The following SEC14L4 variants were observed in gnomAD, a reference collection of about 807,000 sequenced individuals.
SEC14L4 encodes SEC14-like protein 4.
A neutral mutation model predicts 55.1 loss-of-function variants in SEC14L4; 42 were observed. That is an observed-to-expected ratio of 0.76 (90% confidence interval 0.60 to 0.99). The LOEUF (loss-of-function observed/expected upper bound fraction) is 0.99. Ranked by LOEUF, SEC14L4 falls within the 50% of genes least tolerant of loss-of-function variation. The pLI is 0.00. For missense variants in SEC14L4, 445 were observed against 512.1 expected, an observed-to-expected ratio of 0.87 and a Z score of 1.27; for synonymous variants, 206 against 206.8, an observed-to-expected ratio of 1.00 and a Z score of 0.03.
At chr22:30,490,571 A>G (rs2083759928) in intron 11 of SEC14L4, among the ~76,000 whole-genome samples, 1 of 152,234 alleles carries the variant, frequency 6.6e-6, no homozygotes, top group South Asian at 2.1e-4. Flanking sequence ...CTCCACCTGC[A>G]GGGAGGAGCT....
chr22:30,505,644 A>T lies in SEC14L4; in HGVS notation c.-33T>A. 1 of 1,524,804 alleles carries T rather than the reference A, an allele frequency of 6.6e-7. No individual in the cohort carries two copies. The highest frequency in any genetic ancestry group is 8.8e-7 in the Non-Finnish European group (1 of 1,140,488). The allele number at this position is 1,524,804 out of a possible 1,614,324, so 94.5% of individuals were successfully genotyped here. ...GCGGGCGCAGAAAGGCTCAGGGCGC[A>T]GGTCCGCCCGCCCGCCGCCGCCTGG... On this transcript the variant is annotated 5_prime_UTR_variant, in exon 1 of 12. Transcript: ENST00000255858.
At chr22:30,499,809 C>G (rs964007250) in intron 2 of SEC14L4, among the ~76,000 whole-genome samples, 3 of 151,698 alleles carry the variant, frequency 2.0e-5, no homozygotes, top group Admixed American at 2.0e-4. Flanking sequence ...CTTACTCAAA[C>G]CTTATAAGGT....
chr22:30,492,489 T>C lies in SEC14L4; in HGVS notation c.649A>G (p.Ile217Val), dbSNP rs1444214556. 1 of 1,613,794 alleles carries C rather than the reference T, an allele frequency of 6.2e-7. No homozygotes were observed. The highest frequency in any genetic ancestry group is 1.3e-5 in the African/African-American group (1 of 74,930). The change falls in exon 8 of 12, where the codon ATT becomes GTT. Residue 217 changes from isoleucine to valine, a missense_variant. By Grantham distance (29) the Ile-to-Val change is conservative. Transcript: ENST00000255858. ...SFMSEETRRK[I>V]VILGDNWKQE... Reference sequence around the variant, plus strand: ...CGTCGCTCACCTCCCAGAATCACAATCTTCCTGCGTGTCTCCTCACTCATG... The same window carrying C: ...CGTCGCTCACCTCCCAGAATCACAACCTTCCTGCGTGTCTCCTCACTCATG...
At chr22:30,491,245 T>C (rs11703236) in intron 11 of SEC14L4, among the ~76,000 whole-genome samples, 443 of 152,036 alleles carry the variant, frequency 2.9e-3, no homozygotes, top group Non-Finnish European at 4.7e-3. Context: ...AGTGGGGTGG[T>C]TCATGCAACT....
chr22:30,495,263 T>C lies in SEC14L4; in HGVS notation c.414A>G (p.Gln138=), dbSNP rs9606738. 0.22 allele frequency: 348,889 copies of C among 1,607,956 alleles called. 39,950 individuals are homozygous for C. Among genetic ancestry groups the C allele is most frequent in the Admixed American group, 0.25 (15,181 of 59,618 alleles). Residue 138 remains glutamine, a synonymous_variant, in exon 5 of 12, where the codon CAA becomes CAG. Coordinates refer to ENST00000255858, the MANE Select transcript of SEC14L4 (RefSeq NM_174977.4). ...CELLLHECEL[Q]TQKLGRKIEM... Reference sequence around the variant, plus strand: ...CACCCCCGCTGCTCACCTTCTGAGTTTGCAGCTCACACTCATGCAACAGCA... The same window carrying C: ...CACCCCCGCTGCTCACCTTCTGAGTCTGCAGCTCACACTCATGCAACAGCA...
chr22:30,491,593 G>A lies in SEC14L4; in HGVS notation c.1061C>T (p.Thr354Ile), dbSNP rs775276603. The part of the protein sequence containing the change: ...AHMVPEDGSL[T>I]CLQAGVYVLR... ...CTTACAGACGCCAGCCTGGAGGCAG[G>A]TGAGGCTCCCATCCTCAGGCACCAT... Residue 354 changes from threonine to isoleucine, a missense_variant, in exon 11 of 12, where the codon ACC becomes ATC. By Grantham distance (89) the Thr-to-Ile change is moderately conservative. Transcript: ENST00000255858. The A allele has an allele frequency of 1.2e-5, 20 of 1,614,166 alleles. No homozygotes were observed. The highest frequency in any genetic ancestry group is 1.6e-5 in the Non-Finnish European group (19 of 1,180,018).
Position 30,494,152 on chromosome 22 carries a change from C to T in SEC14L4, c.578G>A (p.Arg193Gln), listed in dbSNP as rs772441064. ...GGTCATCCCGGTCATGGGCTTACCT[C>T]GAATAACAATTAAATTCTTCAGGGT... ...PETLKNLIVI[R>Q]APKLFPVAFN... The change falls in exon 7 of 12, where the codon CGA becomes CAA. Residue 193 changes from arginine (R) to glutamine (Q), a missense_variant and splice_region_variant. Physicochemically the swap from Arg to Gln is conservative, Grantham distance 43. Coordinates refer to ENST00000255858, the MANE Select transcript of SEC14L4 (RefSeq NM_174977.4). The T allele has an allele frequency of 1.2e-5, 20 of 1,612,564 alleles. No homozygotes were observed. The highest frequency in any genetic ancestry group is 1.1e-5 in the South Asian group (1 of 91,040).
rs1439748227 is a variant in SEC14L4, at chr22:30,503,703, T to A, written c.104A>T (p.Asp35Val). 3 of 1,612,540 alleles carry A rather than the reference T, an allele frequency of 1.9e-6. No homozygotes were observed. Among genetic ancestry groups the A allele is most frequent in the East Asian group, 4.5e-5 (2 of 44,802 alleles). The change falls in exon 2 of 12, where the codon GAC becomes GTC. Residue 35 changes from aspartate to valine, a missense_variant. Physicochemically the swap from Asp to Val is radical, Grantham distance 152. Transcript: ENST00000255858. ...TCGCAGCCAGCGCAGGAGGAAGTAG[T>A]CATCAGCATTGGGCAGTATGGGCAG... ...DLLPILPNAD[D>V]YFLLRWLRAR...
At chr22:30,500,817 C>T (rs1936297017) in intron 2 of SEC14L4, among the ~76,000 whole-genome samples, 1 of 127,002 alleles carries the variant, frequency 7.9e-6, no homozygotes, top group African/African-American at 3.1e-5. Flanking sequence ...CTGAGGGGAC[C>T]AGGGCAGGCA....
intron 2 of SEC14L4, among the ~76,000 whole-genome samples, chr22:30,496,473 G>C (rs572678412): frequency 3.5e-4 from 53 of 152,026 alleles, no homozygotes; most frequent in Non-Finnish European, 6.9e-4. Context: ...TAGAAGACTG[G>C]AGAGCCCTTG....
chr22:30,497,239 T>C (rs994683349), intron 2 of SEC14L4, among the ~76,000 whole-genome samples: 2 of 152,082 alleles, frequency 1.3e-5, no homozygotes, highest in Non-Finnish European at 2.9e-5. Flanking sequence ...CTCAGGAGGC[T>C]GAGGCAGGAG....
intron 11 of SEC14L4, chr22:30,491,349 G>A: frequency 1.7e-6 from 1 of 594,060 alleles, no homozygotes. Context: ...GGGCTTCTTA[G>A]GAGCTGAGCC....
At chr22:30,503,600 C>T in intron 2 of SEC14L4, 77 bp downstream of exon 2, 1 of 1,081,938 alleles carries the variant, frequency 9.2e-7, no homozygotes, top group Middle Eastern at 2.0e-4. Context: ...TCCATTCCCT[C>T]AAAGTCTCCC....
At chr22:30,491,516 G>T in intron 11 of SEC14L4, 57 bp downstream of exon 11, 1 of 1,599,282 alleles carries the variant, frequency 6.3e-7, no homozygotes, top group Non-Finnish European at 8.6e-7. Context: ...GAAAGAGAGG[G>T]CAAGCAGAGG....
In SEC14L4 at chr22:30,501,108, C is replaced by T. The variant is rs369471316; in HGVS notation, c.130+2569G>A. On this transcript the variant is annotated intron_variant, in intron 2 of 11. Coordinates refer to ENST00000255858, the MANE Select transcript of SEC14L4 (RefSeq NM_174977.4). ...CTTCAGAAGGAGGGTTGGGAAAAGCCCCTCAGCATGAGGCCCGGGAGAGGG... is the reference window on the plus strand; with the variant it reads ...CTTCAGAAGGAGGGTTGGGAAAAGCTCCTCAGCATGAGGCCCGGGAGAGGG... 3.9e-5 allele frequency among the ~76,000 whole-genome samples: 6 copies of T among 152,032 alleles called. No homozygotes were observed. In the South Asian group the frequency reaches 1.2e-3, roughly 32 times the overall value.
rs1440339707 is a variant in SEC14L4 at position 30,494,182 on chromosome 22, G to A, written c.548C>T (p.Pro183Leu). ...AACAATTAAATTCTTCAGGGTCTCAGGATAATTTGCTTCCAGGATGCTAAA... is the reference window on the plus strand; with the variant it reads ...AACAATTAAATTCTTCAGGGTCTCAAGATAATTTGCTTCCAGGATGCTAAA... ...QFFSILEANY[P>L]ETLKNLIVIR... Residue 183 changes from proline to leucine, a missense_variant, in exon 7 of 12, where the codon CCT becomes CTT. Transcript: ENST00000255858. 8 of 1,613,862 alleles carry A rather than the reference G, an allele frequency of 5.0e-6. No homozygotes were observed. Among genetic ancestry groups the A allele is most frequent in the Non-Finnish European group, 5.9e-6 (7 of 1,179,790 alleles).
In SEC14L4 at chr22:30,490,232, C is replaced by G; in HGVS notation, c.1096G>C (p.Asp366His). 6.2e-7 allele frequency: 1 copy of G among 1,613,582 alleles called. No individual in the cohort carries two copies. The highest frequency in any genetic ancestry group is 8.5e-7 in the Non-Finnish European group (1 of 1,180,022). ...GCATGCATCCGGCTGTAGGTGTTGT[C>G]GAAGCGCAGGACATCTGCAGTGATG... The part of the protein sequence containing the change: ...LQAGVYVLRF[D>H]NTYSRMHAKK... The change falls in exon 12 of 12, where the codon GAC (aspartate) becomes CAC (histidine). Residue 366 changes from aspartate (D) to histidine (H), a missense_variant. Physicochemically the swap from Asp to His is moderately conservative, Grantham distance 81 (BLOSUM62 -1). Coordinates refer to ENST00000255858, the MANE Select transcript of SEC14L4 (RefSeq NM_174977.4).
At chr22:30,505,113 C>T (rs943530928) in intron 1 of SEC14L4, among the ~76,000 whole-genome samples, 4 of 131,926 alleles carry the variant, frequency 3.0e-5, no homozygotes, top group Admixed American at 8.7e-5. Flanking sequence ...GCCTGGACGA[C>T]AGAGCAAGAC....
intron 1 of SEC14L4, among the ~76,000 whole-genome samples, chr22:30,504,838 C>T (rs914236748): frequency 6.6e-6 from 1 of 152,066 alleles, no homozygotes; most frequent in East Asian, 1.9e-4. Flanking sequence ...AATATGAGGC[C>T]GGGCGCAGTG....
Sources: allele counts gnomAD v4.1 joint callset (sites outside exome capture counted in the v4.1 genomes callset), GRCh38; gene constraint gnomAD v4.1.1; transcripts MANE v1.5; gene names NCBI Gene and HGNC (gene_info 2026-07-23, HGNC 2026-07-21).